PLA2G5: variants seen among roughly 807,000 people sequenced by gnomAD.
The protein encoded by PLA2G5 is phospholipase A2 group V.
A neutral mutation model predicts 15.9 loss-of-function variants in PLA2G5; 12 were observed. That is an observed-to-expected ratio of 0.76 (90% CI 0.48 to 1.23). PLA2G5 has a LOEUF of 1.23. Among genes scored for constraint, PLA2G5 ranks in the 50% most tolerant of loss-of-function variants. The probability of loss-of-function intolerance (pLI) is 0.00; values close to 1 mark genes in which losing one functional copy is unlikely to be tolerated. For synonymous variants in PLA2G5, 71 were observed against 71.4 expected (o/e 0.99, Z 0.03); for missense variants, 169 against 177.1 (o/e 0.95, Z 0.26).
chr1:20,076,183 TG>T (rs1254503624), intron 1 of PLA2G5, among the ~76,000 whole-genome samples: 1 of 152,204 alleles, frequency 6.6e-6, no homozygotes, highest in African/African-American at 2.4e-5. Context: ...GAAATGTGGA[TG>T]TCTGTCTAGG....
At chr1:20,087,574 C>T (rs1000854895) in intron 3 of PLA2G5, among the ~76,000 whole-genome samples, 1 of 151,864 alleles carries the variant, frequency 6.6e-6, no homozygotes, top group African/African-American at 2.4e-5. Flanking sequence ...CATTCTTTTG[C>T]TATCAGTGGA....
In PLA2G5 at chr1:20,081,089, C is replaced by T. The variant is rs11573244; in HGVS notation, c.-10-3732C>T. ...GACCCGTCCCTTGGCAACCTGGCCACGTCCTGGCCTCCACATCTTCCTATG... is the reference window on the plus strand; with the variant it reads ...GACCCGTCCCTTGGCAACCTGGCCATGTCCTGGCCTCCACATCTTCCTATG... On this transcript the variant is annotated intron_variant, in intron 1 of 4. Transcript: ENST00000375108. 6.2e-3 allele frequency among the ~76,000 whole-genome samples: 945 copies of T among 152,018 alleles called. 37 individuals are homozygous for T. The highest frequency in any genetic ancestry group is 0.021 in the African/African-American group (860 of 41,272).
chr1:20,068,310 C>A (rs966758196), upstream of PLA2G5, among the ~76,000 whole-genome samples: 2 of 151,786 alleles, frequency 1.3e-5, no homozygotes, highest in African/African-American at 4.8e-5. Flanking sequence ...TGTAAAACCC[C>A]GAAATTTAGA....
At chr1:20,068,733 G>A (rs1350388028), upstream of PLA2G5, 1 of 321,276 alleles carries the variant, frequency 3.1e-6, no homozygotes, top group East Asian at 8.7e-5. Flanking sequence ...TTACAGGAGT[G>A]AGCCCCCACG....
chr1:20,034,629 T>C (rs547220447), intron 1 of PLA2G5, among the ~76,000 whole-genome samples: 1 of 152,234 alleles, frequency 6.6e-6, no homozygotes, highest in Admixed American at 6.5e-5. Flanking sequence ...TGAGGCTGGC[T>C]GGGTTAAGGG....
At chr1:20,050,787 T>G (rs1425302945) in intron 1 of PLA2G5, among the ~76,000 whole-genome samples, 1 of 152,166 alleles carries the variant, frequency 6.6e-6, no homozygotes, top group East Asian at 1.9e-4. Flanking sequence ...TGATATCAAG[T>G]GTTTTAAAGC....
chr1:20,059,863 T>A (rs945788055), intron 2 of PLA2G5, among the ~76,000 whole-genome samples: 4 of 152,192 alleles, frequency 2.6e-5, no homozygotes, highest in Non-Finnish European at 4.4e-5. Context: ...AACAGCTTCA[T>A]GATTTAATGA....
At chr1:20,047,911 C>T (rs1364729947) in intron 1 of PLA2G5, among the ~76,000 whole-genome samples, 1 of 151,958 alleles carries the variant, frequency 6.6e-6, no homozygotes, top group East Asian at 1.9e-4. Context: ...GATTTGTTTC[C>T]TTTGATATGC....
chr1:20,063,829 C>T (rs17354650), intron 2 of PLA2G5, among the ~76,000 whole-genome samples: 29,752 of 152,116 alleles, frequency 0.2, 3,677 homozygotes, highest in Non-Finnish European at 0.29. Flanking sequence ...TGCCCGGTGC[C>T]CTAGCTATCA....
At chr1:20,034,187 AG>A (rs1487874700) in intron 1 of PLA2G5, among the ~76,000 whole-genome samples, 2 of 152,018 alleles carry the variant, frequency 1.3e-5, no homozygotes, top group African/African-American at 4.8e-5. Context: ...GATGTATTGG[AG>A]GAGGGTGTTA....
At chr1:20,081,319 A>G (rs1371522536) in intron 1 of PLA2G5, among the ~76,000 whole-genome samples, 1 of 150,790 alleles carries the variant, frequency 6.6e-6, no homozygotes, top group Admixed American at 6.6e-5. Flanking sequence ...TGCCACCTCC[A>G]CCATGAAACT....
chr1:20,059,958 C>T (rs1469711143), intron 2 of PLA2G5, among the ~76,000 whole-genome samples: 1 of 152,148 alleles, frequency 6.6e-6, no homozygotes, highest in African/African-American at 2.4e-5. Flanking sequence ...TCTGGAAACT[C>T]AGTCTAGGAC....
chr1:20,034,653 A>G (rs2013152107), intron 1 of PLA2G5, among the ~76,000 whole-genome samples: 1 of 152,138 alleles, frequency 6.6e-6, no homozygotes, highest in African/African-American at 2.4e-5. Context: ...ATTGAGACTG[A>G]TGAAGGGAAA....
intron 1 of PLA2G5, among the ~76,000 whole-genome samples, chr1:20,072,345 A>G (rs561534863): frequency 6.6e-6 from 1 of 152,286 alleles, no homozygotes; most frequent in Non-Finnish European, 1.5e-5. Context: ...CTGTATCCCC[A>G]GTGTCTAGAA....
chr1:20,070,129 G>A (rs1485120211), upstream of PLA2G5: 4 of 883,098 alleles, frequency 4.5e-6, no homozygotes, highest in Non-Finnish European at 5.4e-6. Context: ...TGACTGCCCA[G>A]CCCCTTTGGC....
upstream of PLA2G5, among the ~76,000 whole-genome samples, chr1:20,069,500 C>T (rs942252745): frequency 6.6e-6 from 1 of 152,024 alleles, no homozygotes; most frequent in Non-Finnish European, 1.5e-5. Flanking sequence ...TGGTGAAACC[C>T]CTTTCCACAA....
At chr1:20,085,460 A>G (rs2100619943) in intron 2 of PLA2G5, among the ~76,000 whole-genome samples, 1 of 152,104 alleles carries the variant, frequency 6.6e-6, no homozygotes, top group African/African-American at 2.4e-5. Flanking sequence ...TCACTGTGAA[A>G]CCCTGGACAG....
At chr1:20,055,770 C>T (rs564937071) in intron 1 of PLA2G5, among the ~76,000 whole-genome samples, 2 of 152,260 alleles carry the variant, frequency 1.3e-5, no homozygotes, top group South Asian at 4.1e-4. Flanking sequence ...AGGTCTATTT[C>T]CCATAATAAA....
chr1:20,033,817 G>A (rs745941252), intron 1 of PLA2G5, among the ~76,000 whole-genome samples: 1 of 151,988 alleles, frequency 6.6e-6, no homozygotes, highest in Non-Finnish European at 1.5e-5. Context: ...GGGGCAAGCT[G>A]AGTTCAGGGG....
Sources: gnomAD v4.1 joint callset for allele counts (sites outside exome capture counted in the v4.1 genomes callset) on GRCh38, gnomAD v4.1.1 for gene constraint, MANE v1.5 for transcripts, NCBI Gene and HGNC (gene_info 2026-07-23, HGNC 2026-07-21) for gene names.